The following MAP3K20 variants were observed in gnomAD, a reference collection of about 807,000 sequenced individuals.
MAP3K20 encodes HCCS-4.
In MAP3K20, 40 loss-of-function variants were observed where a neutral mutation model predicts 85.7. The ratio of observed to expected loss-of-function variants is 0.47; its 90% CI spans 0.36 to 0.61. The LOEUF (loss-of-function observed/expected upper bound fraction) is 0.61. Ranked by LOEUF, MAP3K20 falls within the 20% of genes least tolerant of loss-of-function variation. The probability of loss-of-function intolerance (pLI) is 0.00; values close to 1 mark genes in which losing one functional copy is unlikely to be tolerated. For synonymous variants in MAP3K20, 325 were observed against 327.7 expected (o/e 0.99, Z 0.09); for missense variants, 817 against 961.7 (o/e 0.85, Z 1.99).
At chr2:173,243,668 A>G (rs1016614183) in intron 16 of MAP3K20, among the ~76,000 whole-genome samples, 3 of 152,328 alleles carry the variant, frequency 2.0e-5, no homozygotes, top group South Asian at 2.1e-4. Flanking sequence ...CCCAGGCCAG[A>G]GTGCAGTGGC....
chr2:173,186,548 A>ATAC (rs1690490161), intron 4 of MAP3K20, among the ~76,000 whole-genome samples: 1 of 151,874 alleles, frequency 6.6e-6, no homozygotes, highest in Admixed American at 6.6e-5. Context: ...CATAATTAAA[A>ATAC]TAGAAGAATA....
At chr2:173,127,373 A>G (rs2106195359) in intron 2 of MAP3K20, among the ~76,000 whole-genome samples, 1 of 152,346 alleles carries the variant, frequency 6.6e-6, no homozygotes, top group African/African-American at 2.4e-5. Context: ...AAATAACTTT[A>G]TAAATAATTT....
rs771325985 is a variant in MAP3K20, at chr2:173,261,121, G to A, written c.1535G>A (p.Cys512Tyr). Residue 512 changes from cysteine (C) to tyrosine (Y), a missense_variant, in exon 18 of 20, where the codon TGC becomes TAC. Cys to Tyr is a radical substitution (Grantham distance 194). Around this residue, in one of 4 missense-constraint regions of MAP3K20, gnomAD observed 454 missense variants for 476.9 expected, o/e 0.95. Coordinates refer to ENST00000375213, the MANE Select transcript of MAP3K20 (RefSeq NM_016653.3). ...VGIAKSQTVE[C>Y]TVTYESDVRT... ...ATAGCAAAAAGTCAGACTGTGGAGT[G>A]CACTGTCACATATGAGGTAAGCTCT... The A allele has an allele frequency of 6.2e-7, 1 of 1,613,596 alleles. No individual in the cohort carries two copies. The highest frequency in any genetic ancestry group is 1.1e-5 in the South Asian group (1 of 91,072).
In MAP3K20 at chr2:173,229,707, A is replaced by C. The variant is rs751163889; in HGVS notation, c.1006A>C (p.Ile336Leu). The C allele has an allele frequency of 6.2e-7, 1 of 1,613,736 alleles. No homozygotes were observed. Among genetic ancestry groups the C allele is most frequent in the African/African-American group, 1.3e-5 (1 of 74,926 alleles). The change falls in exon 12 of 20, where the codon ATT becomes CTT. Residue 336 changes from isoleucine (I) to leucine (L), a missense_variant. Transcript: ENST00000375213. ...SNTPLLPSFE[I>L]GAWTEDDVYC... Reference sequence around the variant, plus strand: ...CATGCAGCTGCTGCCTTCCTTTGAGATTGGTGCATGGACGGAAGACGATGT... The same window carrying C: ...CATGCAGCTGCTGCCTTCCTTTGAGCTTGGTGCATGGACGGAAGACGATGT...
At chr2:173,207,283 A>G (rs1329965692) in intron 9 of MAP3K20, among the ~76,000 whole-genome samples, 1 of 152,188 alleles carries the variant, frequency 6.6e-6, no homozygotes, top group Admixed American at 6.5e-5. Context: ...GCCTGAGCTC[A>G]GGAGTTGGAC....
rs1050024875 is a variant in MAP3K20, at chr2:173,191,095, T to C, written c.500T>C (p.Val167Ala). 1.9e-6 allele frequency: 3 copies of C among 1,613,998 alleles called. No individual in the cohort carries two copies. The highest frequency in any genetic ancestry group is 1.3e-5 in the African/African-American group (1 of 74,942). Reference protein sequence around the residue: ...FHNHTTHMSLVGTFPWMAPEV... With the variant: ...FHNHTTHMSLAGTFPWMAPEV... The stretch of plus-strand genomic sequence containing the variant: ...AACCATACAACACACATGTCCTTGG[T>C]TGGAACTTTCCCATGGATGGCTCCA... Residue 167 changes from valine (V) to alanine (A), a missense_variant, in exon 7 of 20, where the codon GTT becomes GCT. Transcript: ENST00000375213.
At chr2:173,128,848 T>C (rs1474252805) in intron 2 of MAP3K20, among the ~76,000 whole-genome samples, 1 of 152,058 alleles carries the variant, frequency 6.6e-6, no homozygotes, top group East Asian at 1.9e-4. Flanking sequence ...TTTAAAAATT[T>C]CAACTATTTT....
At chr2:173,256,835 C>T (rs980513819) in intron 16 of MAP3K20, among the ~76,000 whole-genome samples, 7 of 152,024 alleles carry the variant, frequency 4.6e-5, no homozygotes, top group Admixed American at 2.0e-4. Context: ...TATACTTCCT[C>T]CTAAATATTT....
rs1056014111 is a variant in MAP3K20, at chr2:173,239,459, T to C, written c.1322T>C (p.Val441Ala). 1.2e-6 allele frequency: 2 copies of C among 1,612,622 alleles called. No homozygotes were observed. Among genetic ancestry groups the C allele is most frequent in the Admixed American group, 1.7e-5 (1 of 59,688 alleles). ...NEEKIVNLELVFGFHLKPGTG... is the reference protein window; with the variant it reads ...NEEKIVNLELAFGFHLKPGTG... ...GAAAAAATAGTGAACCTGGAACTGGTTTTTGGTTTTCACTTGAAACCAGGA... is the reference window on the plus strand; with the variant it reads ...GAAAAAATAGTGAACCTGGAACTGGCTTTTGGTTTTCACTTGAAACCAGGA... Residue 441 changes from valine (V) to alanine (A), a missense_variant, in exon 16 of 20, where the codon GTT (valine) becomes GCT (alanine). Around this residue, in one of 4 missense-constraint regions of MAP3K20, gnomAD observed 454 missense variants for 476.9 expected, o/e 0.95. Coordinates refer to ENST00000375213, the MANE Select transcript of MAP3K20 (RefSeq NM_016653.3).
At chr2:173,221,918 C>T (rs1574131232) in intron 11 of MAP3K20, 1 of 989,660 alleles carries the variant, frequency 1.0e-6, no homozygotes, top group Non-Finnish European at 1.2e-6. Flanking sequence ...AACAAACACT[C>T]TTAACTCCTA....
At chr2:173,076,954 A>C (rs1219606110) in intron 1 of MAP3K20, among the ~76,000 whole-genome samples, 2 of 152,262 alleles carry the variant, frequency 1.3e-5, no homozygotes, top group Non-Finnish European at 2.9e-5. Context: ...TCTCTGTTAG[A>C]TCGCTGAAAA....
chr2:173,112,417 T>C (rs938988128), intron 2 of MAP3K20, among the ~76,000 whole-genome samples: 11 of 152,190 alleles, frequency 7.2e-5, no homozygotes, highest in Non-Finnish European at 1.2e-4. Flanking sequence ...CTTGTCTGAT[T>C]GATCCGGCTA....
chr2:173,263,436 G>A (rs576184464), intron 18 of MAP3K20, among the ~76,000 whole-genome samples: 1 of 152,048 alleles, frequency 6.6e-6, no homozygotes, highest in Non-Finnish European at 1.5e-5. Flanking sequence ...ATAAATTCTG[G>A]GAAAAGACAA....
intron 16 of MAP3K20, among the ~76,000 whole-genome samples, chr2:173,255,692 G>A (rs1685142120): frequency 1.3e-5 from 2 of 152,238 alleles, no homozygotes; most frequent in African/African-American, 2.4e-5. Flanking sequence ...GTTAGGAGAT[G>A]AGAGTGAAGC....
chr2:173,184,828 T>G (rs1559267865), intron 4 of MAP3K20, among the ~76,000 whole-genome samples: 1 of 150,654 alleles, frequency 6.6e-6, no homozygotes, highest in Non-Finnish European at 1.5e-5. Context: ...GGCAAGAGAA[T>G]CGCTCAAACC....
chr2:173,242,707 T>TC (rs1268278488), intron 16 of MAP3K20, among the ~76,000 whole-genome samples: 2 of 143,268 alleles, frequency 1.4e-5, no homozygotes, highest in South Asian at 2.2e-4. Flanking sequence ...TTCTTTTTTT[T>TC]TTTTTTTTTT....
intron 1 of MAP3K20, among the ~76,000 whole-genome samples, chr2:173,086,407 G>A (rs1687147902): frequency 1.3e-5 from 2 of 152,276 alleles, no homozygotes; most frequent in Admixed American, 6.5e-5. Flanking sequence ...ATATGGGAGT[G>A]GAAATCTCAA....
In MAP3K20 at chr2:173,228,833, C is replaced by G. The variant is rs144433662; in HGVS notation, c.988-856C>G. Among the ~76,000 whole-genome samples the G allele has an allele frequency of 5.0e-3, 758 of 152,132 alleles. 17 individuals carry two copies. Among genetic ancestry groups the G allele is most frequent in the Admixed American group, 0.035 (538 of 15,284 alleles). ...AAACTCAACTTTTTTTTGAAACTCA[C>G]TCACAAGAAAATATTTGTAACAGAA... is the stretch of plus-strand genomic sequence containing the variant. On this transcript the variant is annotated intron_variant, in intron 11 of 19. Transcript: ENST00000375213.
chr2:173,101,243 TAAA>T (rs1289631320), intron 2 of MAP3K20, among the ~76,000 whole-genome samples: 2 of 152,194 alleles, frequency 1.3e-5, no homozygotes. Context: ...AGTGTGACCA[TAAA>T]AATGTTTTAT....
Sources: allele counts gnomAD v4.1 joint callset (sites outside exome capture counted in the v4.1 genomes callset), GRCh38; gene constraint gnomAD v4.1.1; regional missense constraint gnomAD v4.1.1; transcripts MANE v1.5; gene names NCBI Gene and HGNC (gene_info 2026-07-23, HGNC 2026-07-21).